The following PIK3C2A variants were observed in gnomAD, a reference collection of about 807,000 sequenced individuals.
PIK3C2A encodes the protein phosphatidylinositol 4-phosphate 3-kinase C2 domain-containing subunit alpha.
A neutral mutation model predicts 204.5 loss-of-function variants in PIK3C2A; 97 were observed. The ratio of observed to expected loss-of-function variants is 0.47; its 90% confidence interval spans 0.40 to 0.56. PIK3C2A has a LOEUF of 0.56. PIK3C2A is among the 20% of genes least tolerant of loss of function. PIK3C2A has a pLI of 0.00. For synonymous variants in PIK3C2A, 653 were observed against 664.4 expected, an observed-to-expected ratio of 0.98 and a Z score of 0.26; for missense variants, 1,735 against 1,969.2, an observed-to-expected ratio of 0.88 and a Z score of 2.25.
At chr11:17,172,341 C>T (rs1317316386) in intron 1 of PIK3C2A, among the ~76,000 whole-genome samples, 3 of 152,158 alleles carry the variant, frequency 2.0e-5, no homozygotes, top group East Asian at 3.9e-4. Context: ...GCAGCCACTG[C>T]TATGTGAATG....
At chr11:17,117,720 T>TG in intron 18 of PIK3C2A, 49 bp from the exon 19 acceptor site, 2 of 1,194,520 alleles carry the variant, frequency 1.7e-6, no homozygotes, top group Non-Finnish European at 2.3e-6. Context: ...TTTTTTTTTT[T>TG]TTTTTTTTTT....
At chr11:17,206,889 T>C (rs947879011) in intron 1 of PIK3C2A, among the ~76,000 whole-genome samples, 2 of 152,248 alleles carry the variant, frequency 1.3e-5, no homozygotes, top group Admixed American at 1.3e-4. Flanking sequence ...CATTCTTTAA[T>C]AACTAATCTT....
intron 1 of PIK3C2A, among the ~76,000 whole-genome samples, chr11:17,170,343 T>C (rs1851117330): frequency 6.6e-6 from 1 of 152,116 alleles, no homozygotes; most frequent in Admixed American, 6.6e-5. Context: ...CTGATAAAGG[T>C]TTAATAATCT....
intron 1 of PIK3C2A, among the ~76,000 whole-genome samples, chr11:17,199,903 C>CAAAAAAAAAA (rs35435978): frequency 9.4e-6 from 1 of 106,864 alleles, no homozygotes; most frequent in Non-Finnish European, 1.9e-5. Context: ...GCCTCCATCT[C>CAAAAAAAAAA]AAAAAAAAAA....
chr11:17,109,467 A>G (rs1848928846), intron 22 of PIK3C2A, among the ~76,000 whole-genome samples: 1 of 152,256 alleles, frequency 6.6e-6, no homozygotes, highest in Non-Finnish European at 1.5e-5. Context: ...AGTTCAATAA[A>G]TAGTAAGATA....
In PIK3C2A at chr11:17,122,732, T is replaced by C. The variant is rs776487909; in HGVS notation, c.2481A>G (p.Lys827=). ...TNSVPGTVTK[K]GYVMERIVLQ... ...GCACTATTCTTTCCATGACATATCC[T>C]TTTTTGGTAACTGTTCCAGGAACAG... Residue 827 remains lysine, a synonymous_variant, in exon 14 of 33, where the codon AAA becomes AAG. Coordinates refer to ENST00000691414, the MANE Select transcript of PIK3C2A (RefSeq NM_002645.4). 3 of 1,521,464 alleles carry C rather than the reference T, an allele frequency of 2.0e-6. No homozygotes were observed. The highest frequency in any genetic ancestry group is 1.1e-5 in the South Asian group (1 of 87,172). The allele number at this position is 1,521,464 out of a possible 1,614,324, so 94.2% of individuals were successfully genotyped here. A position where few individuals can be genotyped will look rare whatever the true frequency, so the allele number is the denominator to read the frequency against.
At chr11:17,157,052 A>C (rs1172588345) in intron 2 of PIK3C2A, among the ~76,000 whole-genome samples, 1 of 152,200 alleles carries the variant, frequency 6.6e-6, no homozygotes, top group Non-Finnish European at 1.5e-5. Context: ...GACCTTATAA[A>C]AATACTAGCA....
At chr11:17,178,890 C>T (rs1261579951) in intron 1 of PIK3C2A, among the ~76,000 whole-genome samples, 5 of 151,002 alleles carry the variant, frequency 3.3e-5, no homozygotes, top group African/African-American at 9.7e-5. Context: ...CCACCGCGCC[C>T]GGCTAATTTT....
At position 17,086,790 on chromosome 11, in the gene PIK3C2A, T is replaced by C. The variant is rs1042896277; in HGVS notation, c.*2948A>G. On this transcript the variant is annotated 3_prime_UTR_variant, in exon 33 of 33. Coordinates refer to ENST00000691414, the MANE Select transcript of PIK3C2A (RefSeq NM_002645.4). ...AACATGGAAATGAATGTATGGATTA[T>C]GATAGTGGGGGTTCAGTCCTTTTTG... 6.6e-6 allele frequency: 1 copy of C among 152,228 alleles called. No homozygotes were observed. Among genetic ancestry groups the C allele is most frequent in the Non-Finnish European group, 1.5e-5 (1 of 68,030 alleles). 9.4% of individuals were successfully genotyped at this position (152,228 alleles called of 1,614,324 possible).
At chr11:17,091,950 C>G (rs766010625) in intron 30 of PIK3C2A, 46 bp downstream of exon 30, 2 of 1,166,120 alleles carry the variant, frequency 1.7e-6, no homozygotes, top group African/African-American at 3.0e-5. Context: ...AAGTTACAGA[C>G]TTGCAGATCA....
chr11:17,149,333 C>T (rs1351647315), intron 4 of PIK3C2A, among the ~76,000 whole-genome samples: 1 of 151,790 alleles, frequency 6.6e-6, no homozygotes, highest in African/African-American at 2.4e-5. Flanking sequence ...TGTACCCATA[C>T]AAGTTAAAAA....
At chr11:17,110,308 A>C in intron 22 of PIK3C2A, 124 bp downstream of exon 22, 1 of 675,140 alleles carries the variant, frequency 1.5e-6, no homozygotes, top group Non-Finnish European at 2.5e-6. Context: ...ATAAAGTAAC[A>C]CTGGATTAAA....
intron 3 of PIK3C2A, among the ~76,000 whole-genome samples, chr11:17,154,375 A>G (rs1199897076): frequency 6.6e-6 from 1 of 152,334 alleles, no homozygotes; most frequent in East Asian, 1.9e-4. Flanking sequence ...AGGAAGACAG[A>G]GTTTTAATAA....
chr11:17,105,349 A>G (rs1236177285), intron 22 of PIK3C2A, 44 bp from the exon 23 acceptor site: 20 of 1,508,518 alleles, frequency 1.3e-5, no homozygotes, highest in Non-Finnish European at 1.7e-5. Flanking sequence ...GTCTCTCCAA[A>G]GTAAGCCTTT....
At chr11:17,104,122 G>C (rs1848727815) in intron 23 of PIK3C2A, among the ~76,000 whole-genome samples, 1 of 152,190 alleles carries the variant, frequency 6.6e-6, no homozygotes, top group Admixed American at 6.5e-5. Flanking sequence ...TAAAATGGGA[G>C]TCTTCCTACA....
chr11:17,169,834 A>C (rs549901789), intron 1 of PIK3C2A, 28 bp from the exon 2 acceptor site: 1 of 799,022 alleles, frequency 1.3e-6, no homozygotes, highest in Middle Eastern at 2.8e-4. Context: ...CATAACACTC[A>C]ATTAGATTTC....
chr11:17,144,849 C>T (rs974196934), intron 8 of PIK3C2A, among the ~76,000 whole-genome samples: 13 of 131,896 alleles, frequency 9.9e-5, no homozygotes, highest in African/African-American at 3.1e-4. Flanking sequence ...GAGCCGAGAT[C>T]GTGCCACTGC....
At chr11:17,129,252 TG>T (rs1411300175) in intron 13 of PIK3C2A, 47 bp downstream of exon 13, 2 of 1,455,574 alleles carry the variant, frequency 1.4e-6, no homozygotes, top group East Asian at 4.5e-5. Context: ...AATTCTGATG[TG>T]CAGATGTGTC....
At chr11:17,095,017 G>A (rs1454880633) in intron 27 of PIK3C2A, among the ~76,000 whole-genome samples, 1 of 152,106 alleles carries the variant, frequency 6.6e-6, no homozygotes, top group Non-Finnish European at 1.5e-5. Flanking sequence ...GAGGGGCCAA[G>A]GTGAGAGGAT....
Sources: gnomAD v4.1 joint callset for allele counts (sites outside exome capture counted in the v4.1 genomes callset) on GRCh38, gnomAD v4.1.1 for gene constraint, MANE v1.5 for transcripts, NCBI Gene and HGNC (gene_info 2026-07-23, HGNC 2026-07-21) for gene names.